Variants in EFL1 observed in about 807,000 individuals in gnomAD.
The protein encoded by EFL1 is elongation factor-like GTPase 1.
Under a neutral mutation model 126.7 loss-of-function variants are expected in EFL1, and 76 were observed. The ratio of observed to expected loss-of-function variants is 0.60; its 90% CI spans 0.50 to 0.73. The LOEUF is 0.73. Among genes scored for constraint, EFL1 ranks in the 30% least tolerant of loss-of-function variants. EFL1 has a pLI of 0.00. For synonymous variants in EFL1, 410 were observed against 448.4 expected (o/e 0.91, Z 1.08); for missense variants, 1,128 against 1,343.2 (o/e 0.84, Z 2.50).
chr15:82,220,286 C>G, intron 12 of EFL1, 57 bp from the exon 13 acceptor site: 1 of 1,514,562 alleles, frequency 6.6e-7, no homozygotes, highest in Non-Finnish European at 8.8e-7. Flanking sequence ...AGGGAAACAG[C>G]AAGCATTGAC....
intron 15 of EFL1, among the ~76,000 whole-genome samples, chr15:82,212,337 A>T (rs538726634): frequency 2.7e-4 from 41 of 152,336 alleles, no homozygotes; most frequent in African/African-American, 9.6e-4. Flanking sequence ...TATTTCTATC[A>T]TAAGAAGTAT....
intron 15 of EFL1, among the ~76,000 whole-genome samples, chr15:82,199,557 T>A (rs1393560349): frequency 6.6e-6 from 1 of 152,242 alleles, no homozygotes; most frequent in Non-Finnish European, 1.5e-5. Context: ...CTGTTTCAAA[T>A]CATTTATTTG....
intron 15 of EFL1, among the ~76,000 whole-genome samples, chr15:82,176,075 A>G (rs1339585654): frequency 6.6e-6 from 1 of 152,202 alleles, no homozygotes; most frequent in African/African-American, 2.4e-5. Flanking sequence ...ATATTTGGCA[A>G]TGGTGACACT....
At chr15:82,210,410 T>G (rs2074571467) in intron 15 of EFL1, among the ~76,000 whole-genome samples, 1 of 152,132 alleles carries the variant, frequency 6.6e-6, no homozygotes, top group Admixed American at 6.5e-5. Flanking sequence ...CCCATAAAAC[T>G]TTGCCACCAT....
intron 15 of EFL1, among the ~76,000 whole-genome samples, chr15:82,173,154 AAAATAAATTATAATGAATTC>A (rs1248511641): frequency 2.6e-5 from 4 of 152,232 alleles, no homozygotes; most frequent in African/African-American, 9.6e-5. Context: ...GGAGATTGAA[AAAATAAATTATAATGAATTC>A]ATACAATGGA....
intron 15 of EFL1, among the ~76,000 whole-genome samples, chr15:82,212,018 T>A (rs1417168210): frequency 6.6e-6 from 1 of 152,198 alleles, no homozygotes; most frequent in African/African-American, 2.4e-5. Flanking sequence ...ACTGGGAAAC[T>A]GACAAAATCC....
Position 82,168,411 on chromosome 15 carries a change from T to C in EFL1, c.1751-4427A>G, listed in dbSNP as rs528201667. On this transcript the variant is annotated intron_variant, in intron 15 of 19. Transcript: ENST00000268206. The stretch of plus-strand genomic sequence containing the variant: ...TTAAATCAACTGCCCTTTAACTTCT[T>C]GGTGTTATAGTAGGCCTTAGGGAAA... Among the ~76,000 whole-genome samples the C allele has an allele frequency of 3.9e-5, 6 of 152,316 alleles. No individual in the cohort carries two copies. The East Asian group carries it at 1.2e-3, about 29-fold the overall frequency.
At chr15:82,220,655 G>A (rs1242668291) in intron 12 of EFL1, among the ~76,000 whole-genome samples, 2 of 152,082 alleles carry the variant, frequency 1.3e-5, no homozygotes, top group African/African-American at 4.8e-5. Context: ...ATGAGTACTG[G>A]CAATTCATCA....
chr15:82,248,181 A>G (rs1042904780), intron 4 of EFL1, among the ~76,000 whole-genome samples: 3 of 152,136 alleles, frequency 2.0e-5, no homozygotes, highest in African/African-American at 7.3e-5. Flanking sequence ...GAAGTGAACT[A>G]TCGTGTACCT....
intron 6 of EFL1, 60 bp from the exon 7 acceptor site, chr15:82,238,581 A>C: frequency 2.2e-6 from 3 of 1,388,388 alleles, no homozygotes; most frequent in Non-Finnish European, 3.0e-6. Flanking sequence ...TCACGGCAGG[A>C]GAAACACTGT....
intron 8 of EFL1, 76 bp downstream of exon 8, chr15:82,230,772 A>G: frequency 6.8e-7 from 1 of 1,480,058 alleles, no homozygotes; most frequent in Non-Finnish European, 9.0e-7. Context: ...AATTACATTT[A>G]TTAAAGATAT....
rs1720375927 is a variant in EFL1, at chr15:82,163,871, C to T, written c.1864G>A (p.Val622Ile). ...FEATPIVRVA[V>I]EPKHPSEMPQ... ...ATCTTACTTGGATGTTTTGGTTCAA[C>T]AGCAACTCTCACAATAGGAGTGGCT... Residue 622 changes from valine to isoleucine, a missense_variant, in exon 16 of 20, where the codon GTT (valine) becomes ATT (isoleucine). This residue lies in a region of EFL1 where 561 missense variants were observed against 641.7 expected (regional missense o/e 0.87). Coordinates refer to ENST00000268206, the MANE Select transcript of EFL1 (RefSeq NM_024580.6). The T allele has an allele frequency of 1.2e-6, 2 of 1,613,894 alleles. No individual in the cohort carries two copies. Among genetic ancestry groups the T allele is most frequent in the Non-Finnish European group, 1.7e-6 (2 of 1,179,990 alleles).
intron 18 of EFL1, among the ~76,000 whole-genome samples, chr15:82,145,892 C>CAAAAAG (rs1274889735): frequency 1.4e-5 from 2 of 139,804 alleles, no homozygotes; most frequent in Admixed American, 1.4e-4. Flanking sequence ...TACTGTCTAA[C>CAAAAAG]AAAAAGAAAT....
rs566022761 is a variant in EFL1 at position 82,240,336 on chromosome 15, G to T, written c.516+82C>A. On this transcript the variant is annotated intron_variant, in intron 6 of 19. Coordinates refer to ENST00000268206, the MANE Select transcript of EFL1 (RefSeq NM_024580.6). ...AAGTGGAAAAGTTCCCTTTTCTGTA[G>T]CAACGGCTCATACCCAGCTCAGTAA... is the stretch of plus-strand genomic sequence containing the variant. 5.4e-5 allele frequency: 73 copies of T among 1,362,112 alleles called. No homozygotes were observed. The African/African-American group carries it at 8.8e-4, about 17-fold the overall frequency. 84.4% of individuals were successfully genotyped at this position (1,362,112 alleles called of 1,614,324 possible).
rs1210788310 is a variant in EFL1, at chr15:82,211,547, TATACAC to T, written c.1750+3164_1750+3169del. 4.1e-4 allele frequency among the ~76,000 whole-genome samples: 29 copies of T among 70,806 alleles called. 1 individual carries two copies. Among genetic ancestry groups the T allele is most frequent in the African/African-American group, 8.5e-4 (12 of 14,086 alleles). The allele number at this position is 70,806 out of a possible 152,430, so 46.5% of individuals were successfully genotyped here. A position where few individuals can be genotyped will look rare whatever the true frequency, so the allele number is the denominator to read the frequency against. ...TCTCAAAGAAAAAAAAAAAAATCTA[TATACAC>T]ACACACACACACACACACACACACA... is the stretch of plus-strand genomic sequence containing the variant. On this transcript the variant is annotated intron_variant, in intron 15 of 19. Transcript: ENST00000268206.
chr15:82,243,985 A>T (rs1256453628), intron 4 of EFL1, among the ~76,000 whole-genome samples: 1 of 152,130 alleles, frequency 6.6e-6, no homozygotes, highest in Non-Finnish European at 1.5e-5. Context: ...GAAGCCCTGT[A>T]AAAGAAGTTT....
In EFL1 at chr15:82,152,409, T is replaced by C. The variant is rs1470987884; in HGVS notation, c.2045A>G (p.His682Arg). 1.9e-6 allele frequency: 3 copies of C among 1,606,436 alleles called. No individual in the cohort carries two copies. The African/African-American group carries it at 4.0e-5, about 22-fold the overall frequency. ...AATAATAGGTTCAGATACACTGATA[T>C]GAATCTTTGCAAACCTACAGACAAA... ...DDLKERFAKI[H>R]ISVSEPIIPF... The change falls in exon 18 of 20, where the codon CAT becomes CGT. Residue 682 changes from histidine (H) to arginine (R), a missense_variant. By Grantham distance (29) the His-to-Arg change is conservative. Around this residue, in one of 6 missense-constraint regions of EFL1, gnomAD observed 561 missense variants for 641.7 expected, o/e 0.87. Transcript: ENST00000268206.
At chr15:82,155,570 G>A (rs991658670) in intron 17 of EFL1, among the ~76,000 whole-genome samples, 1 of 152,164 alleles carries the variant, frequency 6.6e-6, no homozygotes, top group Non-Finnish European at 1.5e-5. Context: ...GCCTAGCTTT[G>A]TGTTGTGTAT....
At chr15:82,164,741 C>CA (rs2074060320) in intron 15 of EFL1, among the ~76,000 whole-genome samples, 1 of 151,780 alleles carries the variant, frequency 6.6e-6, no homozygotes, top group South Asian at 2.1e-4. Context: ...ACTAAAAATA[C>CA]AAAAAATTAG....
Sources: allele counts gnomAD v4.1 joint callset (sites outside exome capture counted in the v4.1 genomes callset), GRCh38; gene constraint gnomAD v4.1.1; regional missense constraint gnomAD v4.1.1; transcripts MANE v1.5; gene names NCBI Gene and HGNC (gene_info 2026-07-23, HGNC 2026-07-21).